Variants in LALBA observed in about 807,000 individuals in gnomAD.
LALBA encodes the protein lactalbumin alpha.
Under a neutral mutation model 13.4 loss-of-function variants are expected in LALBA, and 12 were observed. The ratio of observed to expected loss-of-function variants is 0.89; its 90% CI spans 0.57 to 1.45. The LOEUF (loss-of-function observed/expected upper bound fraction) is 1.45, where lower values mean the gene tolerates loss of function less well. Ranked by LOEUF, LALBA falls within the 40% of genes most tolerant of loss-of-function variation. The pLI is 0.00. For missense variants in LALBA, 145 were observed against 165.9 expected (o/e 0.87, Z 0.69); for synonymous variants, 64 against 61.0 (o/e 1.05, Z -0.23).
At chr12:48,570,317 G>A (rs763116009), upstream of LALBA, among the ~76,000 whole-genome samples, 6 of 152,130 alleles carry the variant, frequency 3.9e-5, no homozygotes. Flanking sequence ...GTTTCTTGTA[G>A]GGTTGGTTCT....
In LALBA at chr12:48,570,005, G is replaced by A; in HGVS notation, c.16C>T (p.Pro6Ser). MRFFV[P>S]LFLVGILFPA... ...AACAGGATGCCCACCAGGAACAGAG[G>A]GACAAAGAACCTCATTTTGGCTACC... is the stretch of plus-strand genomic sequence containing the variant. The change falls in exon 1 of 4, where the codon CCT (proline) becomes TCT (serine). Residue 6 changes from proline (P) to serine (S), a missense_variant. By Grantham distance (74) the Pro-to-Ser change is moderately conservative. Coordinates refer to ENST00000301046, the MANE Select transcript of LALBA (RefSeq NM_002289.3). The A allele has an allele frequency of 1.2e-6, 2 of 1,613,910 alleles. No homozygotes were observed. Among genetic ancestry groups the A allele is most frequent in the Non-Finnish European group, 1.7e-6 (2 of 1,179,956 alleles).
At chr12:48,570,127 G>A, upstream of LALBA, 5 of 1,190,336 alleles carry the variant, frequency 4.2e-6, no homozygotes, top group African/African-American at 1.5e-5. Context: ...CATCTAGGAA[G>A]AGAATGAAGA....
chr12:48,569,225 A>C lies in LALBA; in HGVS notation c.149T>G (p.Phe50Cys). 6.2e-7 allele frequency: 1 copy of C among 1,613,024 alleles called. No homozygotes were observed. The highest frequency in any genetic ancestry group is 8.5e-7 in the Non-Finnish European group (1 of 1,179,144). The change falls in exon 2 of 4, where the codon TTT (phenylalanine) becomes TGT (cysteine). Residue 50 changes from phenylalanine to cysteine, a missense_variant. Physicochemically the swap from Phe to Cys is radical, Grantham distance 205. Coordinates refer to ENST00000301046, the MANE Select transcript of LALBA (RefSeq NM_002289.3). Reference sequence around the variant, plus strand: ...TTGTGTGTCATAACCACTGGTGTGAAACATGGTACAGATCACTGAGGGAAA... The same window carrying C: ...TTGTGTGTCATAACCACTGGTGTGACACATGGTACAGATCACTGAGGGAAA... ...IALPELICTM[F>C]HTSGYDTQAI...
chr12:48,569,856 G>A, intron 1 of LALBA, 32 bp downstream of exon 1: 1 of 1,610,106 alleles, frequency 6.2e-7, no homozygotes, highest in Non-Finnish European at 8.5e-7. Flanking sequence ...AGCGTATGAG[G>A]AATGGATGAA....
At chr12:48,568,810 A>G (rs781175735) in intron 2 of LALBA, among the ~76,000 whole-genome samples, 6 of 152,194 alleles carry the variant, frequency 3.9e-5, no homozygotes, top group Admixed American at 6.5e-5. Flanking sequence ...AGCTTCATCA[A>G]CTGACTTACC....
At position 48,569,967 on chromosome 12, in the gene LALBA, C is replaced by T; in HGVS notation, c.54G>A (p.Leu18=). Residue 18 remains leucine (L), a synonymous_variant, in exon 1 of 4, where the codon CTG becomes CTA. Transcript: ENST00000301046. ...GCTCACATTTTGTGAATTGCTTGGC[C>T]AGGATGGCAGGGAACAGGATGCCCA... ...FLVGILFPAI[L]AKQFTKCELS... is the part of the protein sequence containing the mutation. 1 of 1,614,010 alleles carries T rather than the reference C, an allele frequency of 6.2e-7. No individual in the cohort carries two copies. Among genetic ancestry groups the T allele is most frequent in the Non-Finnish European group, 8.5e-7 (1 of 1,179,998 alleles).
Position 48,569,237 on chromosome 12 carries a change from A to C in LALBA, c.137T>G (p.Ile46Ser). 1 of 1,611,392 alleles carries C rather than the reference A, an allele frequency of 6.2e-7. No individual in the cohort carries two copies. Among genetic ancestry groups the C allele is most frequent in the South Asian group, 1.1e-5 (1 of 90,762 alleles). ...ACCACTGGTGTGAAACATGGTACAG[A>C]TCACTGAGGGAAAGATGAGAAAGAG... Reference protein sequence around the residue: ...GYGGIALPELICTMFHTSGYD... With the variant: ...GYGGIALPELSCTMFHTSGYD... The change falls in exon 2 of 4, where the codon ATC (isoleucine) becomes AGC (serine). Residue 46 changes from isoleucine (I) to serine (S), a missense_variant. Ile to Ser is a moderately radical substitution (Grantham distance 142). Coordinates refer to ENST00000301046, the MANE Select transcript of LALBA (RefSeq NM_002289.3).
chr12:48,568,394 C>T, intron 3 of LALBA, 123 bp downstream of exon 3: 1 of 699,444 alleles, frequency 1.4e-6, no homozygotes, highest in Non-Finnish European at 2.5e-6. Context: ...TCTAGGTAAG[C>T]TTTGTTTCAG....
upstream of LALBA, among the ~76,000 whole-genome samples, chr12:48,571,174 G>C (rs1369277577): frequency 3.3e-5 from 5 of 152,014 alleles, no homozygotes; most frequent in Non-Finnish European, 7.4e-5. Context: ...CCAGTGGAAA[G>C]ATTGGACTTT....
At chr12:48,570,189 A>G (rs1938617125), upstream of LALBA, 2 of 662,734 alleles carry the variant, frequency 3.0e-6, no homozygotes, top group Non-Finnish European at 5.1e-6. Flanking sequence ...TTCCTTCCAT[A>G]ATTCACCCTA....
At position 48,567,918 on chromosome 12, in the gene LALBA, G is replaced by A. The variant is rs111406362; in HGVS notation, c.*39C>T. The A allele has an allele frequency of 4.1e-4, 622 of 1,520,254 alleles. 7 individuals carry two copies. The African/African-American group carries it at 7.6e-3, about 19-fold the overall frequency. The allele number at this position is 1,520,254 out of a possible 1,614,324, so 94.2% of individuals were successfully genotyped here. The stretch of plus-strand genomic sequence containing the variant: ...TGGCATTAGGGAAGAGGTATTCCAG[G>A]AGTGTGGAGTGGGCAGGGGTGCCAA... On this transcript the variant is annotated 3_prime_UTR_variant, in exon 4 of 4. Transcript: ENST00000301046.
chr12:48,568,201 TAA>T (rs761716418), intron 3 of LALBA, 184 bp from the exon 4 acceptor site: 10 of 630,570 alleles, frequency 1.6e-5, no homozygotes, highest in Non-Finnish European at 2.6e-5. Context: ...ATTGTAGGGT[TAA>T]AAAAGAGATG....
At chr12:48,570,121 T>G, upstream of LALBA, 1 of 1,298,396 alleles carries the variant, frequency 7.7e-7, no homozygotes. Context: ...GCCCTACATC[T>G]AGGAAGAGAA....
At chr12:48,568,970 A>G (rs2137133858) in intron 2 of LALBA, 112 bp downstream of exon 2, 1 of 942,868 alleles carries the variant, frequency 1.1e-6, no homozygotes, top group East Asian at 2.5e-5. Flanking sequence ...CACAATTTTT[A>G]TAGAGCCCAG....
Position 48,569,254 on chromosome 12 carries a change from G to A in LALBA, c.134-14C>T, listed in dbSNP as rs1565588539. 1.9e-6 allele frequency: 3 copies of A among 1,603,058 alleles called. No individual in the cohort carries two copies. The South Asian group carries it at 3.3e-5, about 18-fold the overall frequency. The stretch of plus-strand genomic sequence containing the variant: ...TGGTACAGATCACTGAGGGAAAGAT[G>A]AGAAAGAGATACCACAGAGATGTAC... On this transcript the variant is annotated splice_polypyrimidine_tract_variant and intron_variant, in intron 1 of 3. Coordinates refer to ENST00000301046, the MANE Select transcript of LALBA (RefSeq NM_002289.3).
chr12:48,569,503 C>G (rs991197006), intron 1 of LALBA, among the ~76,000 whole-genome samples: 4 of 152,118 alleles, frequency 2.6e-5, no homozygotes, highest in Non-Finnish European at 5.9e-5. Flanking sequence ...CACCTGAGGT[C>G]AGAAGTTTGA....
chr12:48,568,097 G>C, intron 3 of LALBA, 80 bp from the exon 4 acceptor site: 2 of 1,093,860 alleles, frequency 1.8e-6, no homozygotes. Flanking sequence ...AAGTGGAAGA[G>C]CGTGGACGAG....
chr12:48,567,945 G>C lies in LALBA; in HGVS notation c.*12C>G. The stretch of plus-strand genomic sequence containing the variant: ...GTGTGGAGTGGGCAGGGGTGCCAAG[G>C]ACAGCAGACACTCACAACTTCTCAC... On this transcript the variant is annotated 3_prime_UTR_variant, in exon 4 of 4. Transcript: ENST00000301046. 1 of 1,602,728 alleles carries C rather than the reference G, an allele frequency of 6.2e-7. No homozygotes were observed. Among genetic ancestry groups the C allele is most frequent in the Non-Finnish European group, 8.5e-7 (1 of 1,174,670 alleles).
At chr12:48,568,170 C>A in intron 3 of LALBA, 153 bp from the exon 4 acceptor site, 1 of 658,682 alleles carries the variant, frequency 1.5e-6, no homozygotes, top group South Asian at 1.8e-5. Flanking sequence ...GGAATACAGT[C>A]CATAAAAAAT....
Sources: allele counts gnomAD v4.1 joint callset (sites outside exome capture counted in the v4.1 genomes callset), GRCh38; gene constraint gnomAD v4.1.1; transcripts MANE v1.5; gene names NCBI Gene and HGNC (gene_info 2026-07-23, HGNC 2026-07-21).